Variants in PRKCQ observed in about 807,000 individuals in gnomAD.
PRKCQ encodes protein kinase C theta type.
Under a neutral mutation model 91.2 loss-of-function variants are expected in PRKCQ, and 41 were observed. The observed-to-expected ratio is 0.45, with a 90% CI of 0.35 to 0.58. The LOEUF is 0.58. PRKCQ is among the 20% of genes least tolerant of loss of function. PRKCQ has a pLI of 0.00. For missense variants in PRKCQ, 673 were observed against 896.5 expected (o/e 0.75, Z 3.18); for synonymous variants, 307 against 316.9 (o/e 0.97, Z 0.33).
rs193135233 is a variant in PRKCQ at position 6,524,473 on chromosome 10, C to T, written c.-9-9329G>A. ...GCATCCTACCACCTGCCACATCTAC[C>T]GTCTTCAGCCGTATTCCAAGCGCAT... On this transcript the variant is annotated intron_variant, in intron 1 of 17. Coordinates refer to ENST00000263125, the MANE Select transcript of PRKCQ (RefSeq NM_006257.5). 3.3e-4 allele frequency among the ~76,000 whole-genome samples: 51 copies of T among 152,242 alleles called. 1 individual carries two copies. The highest frequency in any genetic ancestry group is 9.2e-4 in the Admixed American group (14 of 15,294).
At chr10:6,449,095 C>T (rs1260761409) in intron 15 of PRKCQ, among the ~76,000 whole-genome samples, 1 of 152,136 alleles carries the variant, frequency 6.6e-6, no homozygotes, top group African/African-American at 2.4e-5. Context: ...ATGACTTTGA[C>T]GAGTTGAGAG....
chr10:6,513,441 CAAATGCAAAAAAAAAA>C (rs1838587031), intron 2 of PRKCQ, among the ~76,000 whole-genome samples: 1 of 71,844 alleles, frequency 1.4e-5, no homozygotes. Context: ...AAGGCAAGGC[CAAATGCAAAAAAAAAA>C]AAAAAAAAAA....
At chr10:6,468,116 C>T (rs1406094537) in intron 12 of PRKCQ, among the ~76,000 whole-genome samples, 1 of 152,108 alleles carries the variant, frequency 6.6e-6, no homozygotes, top group Admixed American at 6.5e-5. Context: ...CATAGGACTG[C>T]GTTTGCATAC....
chr10:6,416,203 T>A, the PRKCQ span, among the ~76,000 whole-genome samples: 2 of 151,838 alleles, frequency 1.3e-5, no homozygotes, highest in African/African-American at 2.4e-5. Context: ...CTTCTTTTTT[T>A]AAAATTTAAT....
At chr10:6,542,431 G>A (rs1365995739) in intron 1 of PRKCQ, among the ~76,000 whole-genome samples, 2 of 152,212 alleles carry the variant, frequency 1.3e-5, no homozygotes, top group Admixed American at 6.5e-5. Context: ...AATACTCATT[G>A]AGCATGGATT....
chr10:6,432,850 A>G (rs1833489898), intron 16 of PRKCQ, among the ~76,000 whole-genome samples: 1 of 151,910 alleles, frequency 6.6e-6, no homozygotes, highest in Non-Finnish European at 1.5e-5. Flanking sequence ...TCTGTCCCTC[A>G]CTAATGACAT....
chr10:6,558,079 G>T (rs1447699534), intron 1 of PRKCQ, among the ~76,000 whole-genome samples: 1 of 152,100 alleles, frequency 6.6e-6, no homozygotes, highest in Non-Finnish European at 1.5e-5. Flanking sequence ...CGGGCCATGT[G>T]AGCTGTCTTT....
intron 7 of PRKCQ, among the ~76,000 whole-genome samples, chr10:6,492,518 A>G (rs1022921436): frequency 6.6e-6 from 1 of 152,146 alleles, no homozygotes; most frequent in African/African-American, 2.4e-5. Context: ...AAGGTAAGAA[A>G]CTTGCCCAGG....
intron 1 of PRKCQ, among the ~76,000 whole-genome samples, chr10:6,553,870 C>G (rs938198933): frequency 1.3e-5 from 2 of 152,010 alleles, no homozygotes; most frequent in African/African-American, 4.8e-5. Context: ...GAGGCAGGAC[C>G]TGAAATGTGA....
At chr10:6,441,279 A>G (rs920324728) in intron 16 of PRKCQ, among the ~76,000 whole-genome samples, 3 of 152,024 alleles carry the variant, frequency 2.0e-5, no homozygotes, top group African/African-American at 7.2e-5. Flanking sequence ...AGTAGCTGGG[A>G]TCACAGGCGT....
chr10:6,480,180 A>G (rs1003799081), intron 11 of PRKCQ, among the ~76,000 whole-genome samples: 3 of 152,218 alleles, frequency 2.0e-5, no homozygotes, highest in African/African-American at 7.2e-5. Flanking sequence ...AATGGGAATG[A>G]AACATTTTAG....
chr10:6,548,603 AATC>A (rs1184665042), intron 1 of PRKCQ, among the ~76,000 whole-genome samples: 1 of 147,904 alleles, frequency 6.8e-6, no homozygotes, highest in Non-Finnish European at 1.5e-5. Context: ...TGAAATTGGA[AATC>A]ATCATTCTCA....
intron 1 of PRKCQ, among the ~76,000 whole-genome samples, chr10:6,522,600 T>G (rs1414069644): frequency 6.6e-6 from 1 of 152,186 alleles, no homozygotes; most frequent in Non-Finnish European, 1.5e-5. Context: ...GAAAAAAATA[T>G]CAAGCATTCT....
At chr10:6,414,422 T>C in the PRKCQ span, among the ~76,000 whole-genome samples, 1 of 152,098 alleles carries the variant, frequency 6.6e-6, no homozygotes, top group African/African-American at 2.4e-5. Flanking sequence ...TCAACATTAA[T>C]AACGAATTAC....
chr10:6,485,388 A>G (rs1836849402), intron 9 of PRKCQ, 119 bp from the exon 10 acceptor site: 1 of 757,430 alleles, frequency 1.3e-6, no homozygotes, highest in Non-Finnish European at 2.3e-6. Context: ...GTCAACAAAG[A>G]TCTCCTTATC....
the PRKCQ span, among the ~76,000 whole-genome samples, chr10:6,417,993 G>A: frequency 2.0e-5 from 3 of 152,150 alleles, no homozygotes; most frequent in Non-Finnish European, 4.4e-5. Context: ...ATCTCCCAGA[G>A]GCGCGCCTTC....
the PRKCQ span, among the ~76,000 whole-genome samples, chr10:6,408,046 G>GTTTTTTTTTTT: frequency 3.6e-5 from 3 of 84,226 alleles, no homozygotes; most frequent in Admixed American, 1.4e-4. Flanking sequence ...TCTTGTGTCA[G>GTTTTTTTTTTT]TTTTTTTTTT....
the PRKCQ span, among the ~76,000 whole-genome samples, chr10:6,421,057 T>C: frequency 1.3e-5 from 2 of 152,222 alleles, no homozygotes; most frequent in African/African-American, 4.8e-5. The surrounding 1 kb of genome is among the most constrained non-coding windows in gnomAD (Gnocchi z 4.1). Flanking sequence ...AATTTGTTTA[T>C]TCTCCCAACA....
chr10:6,544,981 T>C (rs1839899840), intron 1 of PRKCQ, among the ~76,000 whole-genome samples: 1 of 62,100 alleles, frequency 1.6e-5, no homozygotes, highest in Non-Finnish European at 3.7e-5. Context: ...TTATTTCCTT[T>C]CTGTTTTTTT....
Sources: gnomAD v4.1 joint callset for allele counts (sites outside exome capture counted in the v4.1 genomes callset) on GRCh38, gnomAD v4.1.1 for gene constraint, Gnocchi (gnomAD v3.1) non-coding constraint, MANE v1.5 for transcripts, NCBI Gene and HGNC (gene_info 2026-07-23, HGNC 2026-07-21) for gene names.